Variants in XRN1 observed in about 807,000 individuals in gnomAD.
XRN1 encodes strand-exchange protein 1 homolog.
XRN1 carries 67 observed loss-of-function variants against 222.3 expected under a neutral mutation model. The ratio of observed to expected loss-of-function variants is 0.30; its 90% CI spans 0.25 to 0.37. XRN1 has a LOEUF of 0.37. XRN1 is among the 10% of genes least tolerant of loss of function. XRN1 has a pLI of 1.00. For synonymous variants in XRN1, 643 were observed against 652.4 expected (o/e 0.99, Z 0.22); for missense variants, 1,707 against 2,000.2 (o/e 0.85, Z 2.80).
intron 30 of XRN1, among the ~76,000 whole-genome samples, chr3:142,359,357 C>T (rs1025742076): frequency 1.3e-5 from 2 of 152,140 alleles, no homozygotes; most frequent in Admixed American, 1.3e-4. Context: ...TGAGTACCTA[C>T]AACTCCACTA....
intron 18 of XRN1, among the ~76,000 whole-genome samples, chr3:142,400,792 G>A (rs113935221): frequency 3.0e-4 from 46 of 152,164 alleles, no homozygotes; most frequent in African/African-American, 9.6e-4. Flanking sequence ...GGTGGCACAC[G>A]CAGTAGTCCC....
At chr3:142,417,063 G>T in intron 13 of XRN1, 77 bp downstream of exon 13, 5 of 963,920 alleles carry the variant, frequency 5.2e-6, no homozygotes, top group Non-Finnish European at 7.5e-6. Flanking sequence ...ATAAAAGGAA[G>T]TGCTTCCTAA....
At chr3:142,404,235 T>C (rs1338509585) in intron 16 of XRN1, among the ~76,000 whole-genome samples, 1 of 152,094 alleles carries the variant, frequency 6.6e-6, no homozygotes, top group Non-Finnish European at 1.5e-5. Context: ...AAACTATATA[T>C]ATAAATTTTA....
In XRN1 at chr3:142,312,740, G is replaced by A. The variant is rs552700387; in HGVS notation, c.4640C>T (p.Ser1547Leu). ...TGGCATTGAGCCAAAGAGATGAGAC[G>A]ACGAAGGCATTATATTAGCTGTTAA... ...PPPTANIMPS[S>L]SHLFGSMPWG... The change falls in exon 40 of 41, where the codon TCG becomes TTG. Residue 1547 changes from serine (S) to leucine (L), a missense_variant. By Grantham distance (145) the Ser-to-Leu change is moderately radical (BLOSUM62 -2). This residue lies in a region of XRN1 where 473 missense variants were observed against 482.0 expected (regional missense o/e 0.98). Coordinates refer to ENST00000392981, the MANE Select transcript of XRN1 (RefSeq NM_001282857.2). 63 of 1,610,742 alleles carry A rather than the reference G, an allele frequency of 3.9e-5. No individual in the cohort carries two copies. The highest frequency in any genetic ancestry group is 5.5e-5 in the South Asian group (5 of 90,702).
chr3:142,388,383 G>A (rs775588486), intron 20 of XRN1, among the ~76,000 whole-genome samples: 7 of 151,932 alleles, frequency 4.6e-5, no homozygotes, highest in Non-Finnish European at 7.4e-5. Context: ...TTATGTTATC[G>A]GCAAGTCTTC....
chr3:142,324,911 T>A (rs921700783), intron 37 of XRN1, among the ~76,000 whole-genome samples: 2 of 152,164 alleles, frequency 1.3e-5, no homozygotes, highest in Non-Finnish European at 2.9e-5. Flanking sequence ...GAAGTGTATA[T>A]CTTGAGAAGT....
At position 142,375,800 on chromosome 3, in the gene XRN1, C is replaced by T; in HGVS notation, c.2976G>A (p.Glu992=). Residue 992 remains glutamate (E), a splice_region_variant and synonymous_variant, in exon 25 of 41, where the codon GAG becomes GAA. Coordinates refer to ENST00000392981, the MANE Select transcript of XRN1 (RefSeq NM_001282857.2). ...AAEQLLAEYL[E]RAPELFSYIA... ...CTAGTATCTTATTATGTACTTACCT[C>T]TCTAAGTACTCTGCCAGAAGTTGTT... is the stretch of plus-strand genomic sequence containing the variant. 1 of 1,612,988 alleles carries T rather than the reference C, an allele frequency of 6.2e-7. No homozygotes were observed. Among genetic ancestry groups the T allele is most frequent in the Non-Finnish European group, 8.5e-7 (1 of 1,179,456 alleles).
At chr3:142,369,995 C>A (rs923228019) in intron 27 of XRN1, among the ~76,000 whole-genome samples, 1 of 149,900 alleles carries the variant, frequency 6.7e-6, no homozygotes, top group Non-Finnish European at 1.5e-5. Flanking sequence ...TGCAGTGAGC[C>A]GAGATCCTGC....
At chr3:142,410,487 GTTTTTTT>G (rs751870329) in intron 15 of XRN1, among the ~76,000 whole-genome samples, 2 of 68,072 alleles carry the variant, frequency 2.9e-5, no homozygotes, top group Non-Finnish European at 5.1e-5. Flanking sequence ...TCTATCTCAT[GTTTTTTT>G]TTTTTTTTTT....
intron 2 of XRN1, among the ~76,000 whole-genome samples, chr3:142,429,173 A>C (rs1395072347): frequency 7.5e-6 from 1 of 132,724 alleles, no homozygotes; most frequent in Non-Finnish European, 1.6e-5. Context: ...TTTGAGACAG[A>C]GTTTCACTCT....
chr3:142,384,961 A>G (rs542410359), intron 20 of XRN1, among the ~76,000 whole-genome samples: 1 of 152,300 alleles, frequency 6.6e-6, no homozygotes, highest in African/African-American at 2.4e-5. Flanking sequence ...TTATAATTAA[A>G]AAACAGGGAA....
chr3:142,385,101 T>C (rs1225754275), intron 20 of XRN1, among the ~76,000 whole-genome samples: 2 of 152,168 alleles, frequency 1.3e-5, no homozygotes, highest in African/African-American at 4.8e-5. Flanking sequence ...AATTAACACA[T>C]GACCCAACAA....
In XRN1 at chr3:142,448,031, C is replaced by G. The variant is rs1288616504; in HGVS notation, c.-87G>C. The G allele has an allele frequency of 7.7e-6, 11 of 1,428,648 alleles. No homozygotes were observed. Among genetic ancestry groups the G allele is most frequent in the South Asian group, 4.7e-5 (4 of 85,512 alleles). 88.5% of individuals were successfully genotyped at this position (1,428,648 alleles called of 1,614,324 possible). Reference sequence around the variant, plus strand: ...CCGCCGCAGCCTCCGGTCGTCGCTCCGCGGATGACAACACACCGCCCGGCC... The same window carrying G: ...CCGCCGCAGCCTCCGGTCGTCGCTCGGCGGATGACAACACACCGCCCGGCC... On this transcript the variant is annotated 5_prime_UTR_variant, in exon 1 of 41. Transcript: ENST00000392981.
chr3:142,390,951 T>C (rs929023576), intron 20 of XRN1, among the ~76,000 whole-genome samples: 1 of 152,138 alleles, frequency 6.6e-6, no homozygotes, highest in Non-Finnish European at 1.5e-5. Flanking sequence ...TAGGGGACCG[T>C]TGGTTGGTAG....
At chr3:142,319,415 T>C (rs1560282986) in intron 37 of XRN1, among the ~76,000 whole-genome samples, 1 of 152,212 alleles carries the variant, frequency 6.6e-6, no homozygotes, top group African/African-American at 2.4e-5. Flanking sequence ...TGCCAAAATA[T>C]AAAAGACTCA....
chr3:142,351,922 T>TCCCAGAATCGG (rs1411299954), intron 32 of XRN1, among the ~76,000 whole-genome samples: 1 of 147,690 alleles, frequency 6.8e-6, no homozygotes, highest in East Asian at 2.0e-4. Flanking sequence ...AAAAAAAAGG[T>TCCCAGAATCGG]CCCAGAATCG....
chr3:142,363,272 C>T (rs1401301835), intron 29 of XRN1, among the ~76,000 whole-genome samples: 1 of 150,030 alleles, frequency 6.7e-6, no homozygotes, highest in African/African-American at 2.5e-5. Flanking sequence ...TCTAATTGTT[C>T]CAACACCATT....
At chr3:142,360,880 A>AAC (rs2066606339) in intron 29 of XRN1, among the ~76,000 whole-genome samples, 1 of 151,466 alleles carries the variant, frequency 6.6e-6, no homozygotes, top group Non-Finnish European at 1.5e-5. Context: ...TCTCAAAAAA[A>AAC]AAAAAAAAAA....
intron 33 of XRN1, among the ~76,000 whole-genome samples, chr3:142,339,540 T>A (rs1374929251): frequency 2.6e-5 from 4 of 152,100 alleles, no homozygotes; most frequent in Admixed American, 2.6e-4. Context: ...TCAACAAGCA[T>A]CAAGACCATC....
Sources: gnomAD v4.1 joint callset for allele counts (sites outside exome capture counted in the v4.1 genomes callset) on GRCh38, gnomAD v4.1.1 for gene constraint, gnomAD v4.1.1 regional missense constraint, MANE v1.5 for transcripts, NCBI Gene and HGNC (gene_info 2026-07-23, HGNC 2026-07-21) for gene names.